The following CDH12 variants were observed in gnomAD, a reference collection of about 807,000 sequenced individuals.
CDH12 encodes the protein cadherin 12, also known as cadherin-12.
CDH12 carries 41 observed loss-of-function variants against 74.1 expected under a neutral mutation model. That is an observed-to-expected ratio of 0.55 (90% confidence interval 0.43 to 0.72). The LOEUF (loss-of-function observed/expected upper bound fraction) is 0.72, where lower values mean the gene tolerates loss of function less well. Ranked by LOEUF, CDH12 falls within the 30% of genes least tolerant of loss-of-function variation. CDH12 has a pLI of 0.00. For synonymous variants in CDH12, 399 were observed against 355.0 expected (o/e 1.12, Z -1.39); for missense variants, 945 against 977.2 (o/e 0.97, Z 0.44).
At chr5:22,526,913 A>T (rs1255622717) in intron 1 of CDH12, among the ~76,000 whole-genome samples, 40 of 152,182 alleles carry the variant, frequency 2.6e-4, no homozygotes, top group Non-Finnish European at 2.9e-5. Flanking sequence ...TATTCCAATT[A>T]TTCATTTCCC....
intron 1 of CDH12, among the ~76,000 whole-genome samples, chr5:22,740,517 G>T (rs1326088052): frequency 6.6e-6 from 1 of 151,850 alleles, no homozygotes; most frequent in Non-Finnish European, 1.5e-5. Context: ...ATTGTTAAAA[G>T]TCACTTTTAA....
intron 1 of CDH12, among the ~76,000 whole-genome samples, chr5:22,727,774 A>T (rs1024884762): frequency 6.6e-6 from 1 of 151,454 alleles, no homozygotes; most frequent in Non-Finnish European, 1.5e-5. Flanking sequence ...GATGTTCCAT[A>T]GTCTCTGGCT....
intron 1 of CDH12, among the ~76,000 whole-genome samples, chr5:22,520,714 T>C (rs904746661): frequency 6.6e-6 from 1 of 152,186 alleles, no homozygotes; most frequent in Non-Finnish European, 1.5e-5. Context: ...GTGATCGTTA[T>C]ATAAAGCAAA....
chr5:22,610,252 C>T (rs1737328565), intron 1 of CDH12, among the ~76,000 whole-genome samples: 2 of 152,156 alleles, frequency 1.3e-5, no homozygotes, highest in Non-Finnish European at 2.9e-5. Context: ...GTTCTTATAT[C>T]ATGTCTTGGA....
chr5:22,344,886 C>T (rs1403534063), intron 3 of CDH12, among the ~76,000 whole-genome samples: 1 of 152,134 alleles, frequency 6.6e-6, no homozygotes, highest in East Asian at 1.9e-4. Context: ...GTGAGTATCA[C>T]CCAAATTTAA....
At chr5:22,221,052 C>T (rs1751997998) in intron 3 of CDH12, among the ~76,000 whole-genome samples, 2 of 151,400 alleles carry the variant, frequency 1.3e-5, no homozygotes, top group Admixed American at 1.3e-4. Flanking sequence ...TACTACTGGG[C>T]AAAGTGCCTC....
At chr5:22,010,434 C>T (rs1199183630) in intron 5 of CDH12, among the ~76,000 whole-genome samples, 1 of 152,172 alleles carries the variant, frequency 6.6e-6, no homozygotes, top group Non-Finnish European at 1.5e-5. Context: ...CCTGAGCAAA[C>T]TTAGCAAGTC....
At chr5:21,838,490 G>A (rs1030811349) in intron 8 of CDH12, among the ~76,000 whole-genome samples, 2 of 152,128 alleles carry the variant, frequency 1.3e-5, no homozygotes, top group Non-Finnish European at 2.9e-5. Context: ...AACCTGGGAG[G>A]CGGAGGTGGC....
intron 6 of CDH12, among the ~76,000 whole-genome samples, chr5:21,861,473 C>T (rs56897454): frequency 0.12 from 17,772 of 151,760 alleles, 1,185 homozygotes; most frequent in African/African-American, 0.17. Flanking sequence ...TTTGTAATGA[C>T]GATTTGATTT....
At chr5:22,784,142 A>C (rs1401097137) in intron 1 of CDH12, among the ~76,000 whole-genome samples, 1 of 152,118 alleles carries the variant, frequency 6.6e-6, no homozygotes, top group Non-Finnish European at 1.5e-5. Flanking sequence ...AAAGGTTTTC[A>C]GCCTACCATT....
intron 5 of CDH12, among the ~76,000 whole-genome samples, chr5:22,001,174 G>A (rs2963633): frequency 6.6e-6 from 1 of 152,130 alleles, no homozygotes; most frequent in Non-Finnish European, 1.5e-5. Flanking sequence ...CACTATCTTT[G>A]ATTTCACTGA....
intron 6 of CDH12, among the ~76,000 whole-genome samples, chr5:21,939,710 C>T (rs1463229161): frequency 6.6e-6 from 1 of 152,064 alleles, no homozygotes; most frequent in Non-Finnish European, 1.5e-5. Flanking sequence ...TGAAAAGAGA[C>T]TAAAATATGC....
chr5:22,133,515 C>T (rs1344325397), intron 4 of CDH12, among the ~76,000 whole-genome samples: 1 of 152,044 alleles, frequency 6.6e-6, no homozygotes, highest in African/African-American at 2.4e-5. Flanking sequence ...TGTAATTCAA[C>T]CCAAATGACA....
At chr5:22,226,622 A>G (rs1249502135) in intron 3 of CDH12, among the ~76,000 whole-genome samples, 1 of 152,248 alleles carries the variant, frequency 6.6e-6, no homozygotes, top group East Asian at 1.9e-4. Context: ...TAGCTCAATC[A>G]AAGAGAAATG....
intron 1 of CDH12, among the ~76,000 whole-genome samples, chr5:22,573,152 T>C (rs1739618882): frequency 2.0e-5 from 3 of 152,214 alleles, no homozygotes; most frequent in Non-Finnish European, 4.4e-5. Context: ...AGGTAAATAT[T>C]CCTGTATGAG....
intron 1 of CDH12, among the ~76,000 whole-genome samples, chr5:22,681,502 G>A (rs764583775): frequency 6.6e-5 from 10 of 151,904 alleles, no homozygotes; most frequent in Non-Finnish European, 1.5e-4. Context: ...CTGCAAGATC[G>A]GGATCTGTCA....
At chr5:22,830,663 A>C (rs1736560550) in intron 1 of CDH12, among the ~76,000 whole-genome samples, 1 of 151,782 alleles carries the variant, frequency 6.6e-6, no homozygotes, top group Non-Finnish European at 1.5e-5. Flanking sequence ...TCTGATTCCT[A>C]GAAAGAGATA....
chr5:21,882,605 G>A, intron 6 of CDH12: 1 of 1,601,386 alleles, frequency 6.2e-7, no homozygotes, highest in South Asian at 1.1e-5. Flanking sequence ...GTTACCCACA[G>A]TCTTTCGCCA....
intron 1 of CDH12, among the ~76,000 whole-genome samples, chr5:22,653,530 G>T (rs897765727): frequency 1.3e-5 from 2 of 151,422 alleles, no homozygotes; most frequent in Non-Finnish European, 1.5e-5. Flanking sequence ...AGTGAGTTCT[G>T]TTGGCTCTAC....
Sources: gnomAD v4.1 joint callset for allele counts (sites outside exome capture counted in the v4.1 genomes callset) on GRCh38, gnomAD v4.1.1 for gene constraint, MANE v1.5 for transcripts, NCBI Gene and HGNC (gene_info 2026-07-23, HGNC 2026-07-21) for gene names.